Variants in MYO15B observed in about 807,000 individuals in gnomAD.
MYO15B encodes the protein myosin XVB.
Under a neutral mutation model 119.3 loss-of-function variants are expected in MYO15B, and 207 were observed. The observed-to-expected ratio is 1.73, with a 90% CI of 1.55 to 1.95. MYO15B has a LOEUF of 1.95. Ranked by LOEUF, MYO15B falls within the 30% of genes most tolerant of loss-of-function variation. MYO15B has a pLI of 0.00. For synonymous variants in MYO15B, 966 were observed against 498.9 expected, an observed-to-expected ratio of 1.94 and a Z score of -12.48; for missense variants, 2,264 against 1,203.1, an observed-to-expected ratio of 1.88 and a Z score of -13.04.
At chr17:75,609,938 G>A (rs543926873) in intron 21 of MYO15B, among the ~76,000 whole-genome samples, 2 of 151,932 alleles carry the variant, frequency 1.3e-5, no homozygotes, top group East Asian at 1.9e-4. Flanking sequence ...TGATCCACCC[G>A]CCTTGGCCTC....
rs756745244 is a variant in MYO15B at position 75,615,061 on chromosome 17, C to G, written c.5641+19C>G. ...CCCATGGGTGAGTGAGGGGCTGATTCCTCACCCAGGGCCTCCGGGCCCGGC... is the reference window on the plus strand; with the variant it reads ...CCCATGGGTGAGTGAGGGGCTGATTGCTCACCCAGGGCCTCCGGGCCCGGC... On this transcript the variant is annotated intron_variant, in intron 33 of 63. Coordinates refer to ENST00000645453, the Ensembl canonical transcript of MYO15B. 1.4e-6 allele frequency: 1 copy of G among 699,808 alleles called. No homozygotes were observed. Among genetic ancestry groups the G allele is most frequent in the South Asian group, 1.5e-5 (1 of 67,492 alleles). 43.3% of individuals were successfully genotyped at this position (699,808 alleles called of 1,614,324 possible).
At chr17:75,622,846 G>T (rs1299392251) in intron 53 of MYO15B, among the ~76,000 whole-genome samples, 1 of 152,184 alleles carries the variant, frequency 6.6e-6, no homozygotes, top group Non-Finnish European at 1.5e-5. Flanking sequence ...GGACACGTGA[G>T]GTCTGAAATC....
chr17:75,616,321 A>T (rs944675871), exon 38 of MYO15B: 3 of 605,298 alleles, frequency 5.0e-6, no homozygotes, highest in Non-Finnish European at 8.8e-6. Flanking sequence ...GGGCAGCCAC[A>T]GATCACAGTG....
At chr17:75,605,596 C>T in exon 20 of MYO15B, 1 of 702,914 alleles carries the variant, frequency 1.4e-6, no homozygotes, top group Non-Finnish European at 2.6e-6. Context: ...GCCGAATCAC[C>T]TCTCTATCAC....
chr17:75,612,711 C>T, intron 25 of MYO15B, 87 bp from the exon 26 acceptor site: 1 of 676,628 alleles, frequency 1.5e-6, no homozygotes, highest in Non-Finnish European at 2.7e-6. Flanking sequence ...AGCCCCTCTG[C>T]CTCTCCCGAG....
chr17:75,625,192 G>A (rs904914201), exon 60 of MYO15B: 1 of 702,572 alleles, frequency 1.4e-6, no homozygotes, highest in Non-Finnish European at 2.6e-6. Context: ...CGCCAGGCTG[G>A]CCGCCCTGCA....
rs1229807023 is a variant in MYO15B at position 75,589,462 on chromosome 17, C to A, written c.1405C>A (p.Arg469=). 5.1e-6 allele frequency: 2 copies of A among 388,356 alleles called. No individual in the cohort carries two copies. Among genetic ancestry groups the A allele is most frequent in the South Asian group, 1.3e-4 (1 of 7,620 alleles). 24.1% of individuals were successfully genotyped at this position (388,356 alleles called of 1,614,324 possible). A position where few individuals can be genotyped will look rare whatever the true frequency, so the allele number is the denominator to read the frequency against. ...GGGCTGCGGGAAAGCGGACGAGGGG[C>A]GGGGTCACGAGAGAGGTGACGAGGG... Residue 469 remains arginine (R), a synonymous_variant, in exon 1 of 64, where the codon CGG becomes AGG. Coordinates refer to ENST00000645453, the Ensembl canonical transcript of MYO15B. This position sits in a 1 kb window ranked among gnomAD's most constrained non-coding sequence, Gnocchi z 4.2.
intron 8 of MYO15B, 53 bp downstream of exon 8, chr17:75,592,594 G>A (rs937688078): frequency 2.7e-5 from 17 of 625,384 alleles, no homozygotes; most frequent in African/African-American, 2.5e-4. Context: ...GGAGGATCTC[G>A]GCCCGGAGGT....
chr17:75,609,455 A>C (rs1259494016), intron 21 of MYO15B, among the ~76,000 whole-genome samples: 1 of 145,774 alleles, frequency 6.9e-6, no homozygotes, highest in Non-Finnish European at 1.5e-5. Context: ...GATTACAGGC[A>C]TGAGCTACCG....
At chr17:75,600,611 G>GTTTCTTTTT (rs763865954) in intron 14 of MYO15B, 2 of 135,796 alleles carry the variant, frequency 1.5e-5, no homozygotes, top group African/African-American at 5.4e-5. Context: ...TTGAGACGGA[G>GTTTCTTTTT]TTTGGTTCTT....
At chr17:75,610,034 T>C in intron 21 of MYO15B, 132 bp from the exon 22 acceptor site, 1 of 524,698 alleles carries the variant, frequency 1.9e-6, no homozygotes, top group Non-Finnish European at 3.4e-6. Flanking sequence ...CTGTCGTTTC[T>C]GTGAAGCATC....
rs548898694 is a variant in MYO15B, at chr17:75,626,632, GGCT to G, written c.*152_*154del. ...GCCCACATGCAGGCCATGAGGCAGGGGCTGCTATCACGTCACCAGCAGGCAAAG... is the reference window on the plus strand; with the variant it reads ...GCCCACATGCAGGCCATGAGGCAGGGGCTATCACGTCACCAGCAGGCAAAG... On this transcript the variant is annotated 3_prime_UTR_variant, in exon 64 of 64. Transcript: ENST00000645453. 4.5e-5 allele frequency: 28 copies of G among 623,524 alleles called. No individual in the cohort carries two copies. In the East Asian group the frequency reaches 5.2e-4, roughly 12 times the overall value. The allele number at this position is 623,524 out of a possible 1,614,324, so 38.6% of individuals were successfully genotyped here.
Position 75,623,693 on chromosome 17 carries a change from C to T in MYO15B, c.8083-88C>T, listed in dbSNP as rs1333677818. 4.4e-6 allele frequency: 3 copies of T among 682,766 alleles called. No individual in the cohort carries two copies. The African/African-American group carries it at 5.3e-5, about 12-fold the overall frequency. The allele number at this position is 682,766 out of a possible 1,614,324, so 42.3% of individuals were successfully genotyped here. On this transcript the variant is annotated intron_variant, in intron 53 of 63. Transcript: ENST00000645453. ...AGAGACATCTTGAGCCAGCCCCAGC[C>T]CATGGCCTAGCAGGGTTTCTCCAGG...
At position 75,608,373 on chromosome 17, in the gene MYO15B, T is replaced by A. The variant is rs2057788259; in HGVS notation, c.4293-1793T>A. ...ACCTCAGGTGATCCACCTCAGGTGATCAGCCTCCCAAAGTACTGGGATTAC... is the reference window on the plus strand; with the variant it reads ...ACCTCAGGTGATCCACCTCAGGTGAACAGCCTCCCAAAGTACTGGGATTAC... On this transcript the variant is annotated intron_variant, in intron 21 of 63. Transcript: ENST00000645453. Among the ~76,000 whole-genome samples, 3 of 152,086 alleles carry A rather than the reference T, an allele frequency of 2.0e-5. No individual in the cohort carries two copies. The South Asian group carries it at 6.2e-4, about 32-fold the overall frequency.
At chr17:75,593,605 C>A (rs1475732444) in intron 9 of MYO15B, among the ~76,000 whole-genome samples, 2 of 146,932 alleles carry the variant, frequency 1.4e-5, no homozygotes, top group Non-Finnish European at 3.0e-5. Flanking sequence ...CAGAGCGAGA[C>A]TCCGTCTCAG....
At chr17:75,610,141 G>GC in intron 21 of MYO15B, 25 bp from the exon 22 acceptor site, 1 of 687,808 alleles carries the variant, frequency 1.5e-6, no homozygotes. Context: ...TCTTCATTTC[G>GC]CCCCCGCTCT....
chr17:75,617,688 T>C (rs2058461362), intron 41 of MYO15B, 122 bp from the exon 42 acceptor site: 1 of 602,632 alleles, frequency 1.7e-6, no homozygotes, highest in Non-Finnish European at 3.0e-6. Context: ...GTAAGGCAGC[T>C]GGAGGTTGGG....
At chr17:75,591,891 G>T (rs536247331) in intron 5 of MYO15B, 86 bp from the exon 6 acceptor site, 1 of 673,846 alleles carries the variant, frequency 1.5e-6, no homozygotes, top group Admixed American at 2.1e-5. Flanking sequence ...TGGGACTGAC[G>T]CCTCCCTGGA....
exon 9 of MYO15B, chr17:75,592,713 C>T: frequency 2.8e-6 from 2 of 701,820 alleles, no homozygotes; most frequent in Non-Finnish European, 5.2e-6. Context: ...AAGGAGGATG[C>T]CCAGGACTTT....
Sources: gnomAD v4.1 joint callset for allele counts (sites outside exome capture counted in the v4.1 genomes callset) on GRCh38, gnomAD v4.1.1 for gene constraint, Gnocchi (gnomAD v3.1) non-coding constraint, MANE v1.5 for transcripts, NCBI Gene and HGNC (gene_info 2026-07-23, HGNC 2026-07-21) for gene names.